Variants in SEMA5A observed in about 807,000 individuals in gnomAD.
The protein encoded by SEMA5A is semaphorin 5A, also known as semaphorin-5A.
Under a neutral mutation model 135.5 loss-of-function variants are expected in SEMA5A, and 55 were observed. The ratio of observed to expected loss-of-function variants is 0.41; its 90% confidence interval spans 0.33 to 0.51. SEMA5A has a LOEUF of 0.51. Ranked by LOEUF, SEMA5A falls within the 20% of genes least tolerant of loss-of-function variation. The pLI, the probability that SEMA5A is intolerant of heterozygous loss-of-function variation, is 0.37. For missense variants in SEMA5A, 1,290 were observed against 1,419.9 expected (o/e 0.91, Z 1.47); for synonymous variants, 580 against 546.5 (o/e 1.06, Z -0.85).
At chr5:9,344,652 T>A (rs1479435066) in intron 3 of SEMA5A, among the ~76,000 whole-genome samples, 1 of 151,106 alleles carries the variant, frequency 6.6e-6, no homozygotes, top group African/African-American at 2.5e-5. Flanking sequence ...ATTGGAGAAT[T>A]TATCTCCCTC....
At chr5:9,176,725 G>T (rs1218445196) in intron 11 of SEMA5A, among the ~76,000 whole-genome samples, 2 of 152,162 alleles carry the variant, frequency 1.3e-5, no homozygotes, top group African/African-American at 4.8e-5. Context: ...TCCCAAAGCT[G>T]ATGGTGTCAG....
At chr5:9,267,742 C>T (rs892356828) in intron 5 of SEMA5A, among the ~76,000 whole-genome samples, 1 of 152,030 alleles carries the variant, frequency 6.6e-6, no homozygotes, top group African/African-American at 2.4e-5. Context: ...CATCTGAGAT[C>T]GACTTCAGAA....
chr5:9,315,229 T>C (rs1283026532), intron 5 of SEMA5A, among the ~76,000 whole-genome samples: 1 of 152,192 alleles, frequency 6.6e-6, no homozygotes, highest in Non-Finnish European at 1.5e-5. Context: ...TTTGCTTTAT[T>C]ATATTTGCCT....
intron 12 of SEMA5A, among the ~76,000 whole-genome samples, chr5:9,153,268 G>A (rs185358018): frequency 8.3e-4 from 127 of 152,236 alleles, no homozygotes; most frequent in African/African-American, 2.7e-3. Context: ...TAAACAAGAT[G>A]CCTAAGAACA....
intron 5 of SEMA5A, among the ~76,000 whole-genome samples, chr5:9,306,748 A>G (rs1330649104): frequency 6.6e-6 from 1 of 152,168 alleles, no homozygotes; most frequent in Non-Finnish European, 1.5e-5. Context: ...AGAGCTGGGT[A>G]GGGTGTCTCT....
intron 11 of SEMA5A, among the ~76,000 whole-genome samples, chr5:9,173,949 C>A (rs913216894): frequency 6.6e-6 from 1 of 152,078 alleles, no homozygotes; most frequent in Non-Finnish European, 1.5e-5. Flanking sequence ...TCTGTTTAAA[C>A]CCCAGAAAAT....
intron 5 of SEMA5A, among the ~76,000 whole-genome samples, chr5:9,251,001 G>A (rs1228683192): frequency 1.3e-5 from 2 of 152,168 alleles, no homozygotes; most frequent in Non-Finnish European, 2.9e-5. Flanking sequence ...AGTATTAAGA[G>A]GTAAGACCTT....
intron 18 of SEMA5A, among the ~76,000 whole-genome samples, chr5:9,058,460 G>C (rs552594561): frequency 6.6e-6 from 1 of 152,286 alleles, no homozygotes; most frequent in East Asian, 1.9e-4. Context: ...TTCATGGGAA[G>C]ATCAGACAAA....
intron 19 of SEMA5A, 121 bp from the exon 20 acceptor site, chr5:9,052,149 G>T (rs1415593150): frequency 2.8e-6 from 3 of 1,072,428 alleles, no homozygotes; most frequent in African/African-American, 1.6e-5. Flanking sequence ...TATTTTTAAT[G>T]GTTCTGTGCA....
intron 15 of SEMA5A, among the ~76,000 whole-genome samples, chr5:9,110,174 T>C (rs1293030162): frequency 2.6e-5 from 4 of 152,156 alleles, no homozygotes; most frequent in Non-Finnish European, 5.9e-5. Context: ...GGATGATCTA[T>C]CTTTACCAAA....
chr5:9,221,091 C>T (rs1424551198), intron 8 of SEMA5A, among the ~76,000 whole-genome samples: 5 of 152,064 alleles, frequency 3.3e-5, no homozygotes, highest in African/African-American at 7.2e-5. Context: ...AGCCTCCTTC[C>T]GCAACAAGTC....
At chr5:9,080,967 C>T (rs909132210) in intron 16 of SEMA5A, among the ~76,000 whole-genome samples, 2 of 152,082 alleles carry the variant, frequency 1.3e-5, no homozygotes, top group African/African-American at 2.4e-5. Flanking sequence ...GGATAGTCAC[C>T]CTCTTAATCA....
intron 1 of SEMA5A, among the ~76,000 whole-genome samples, chr5:9,486,245 G>A (rs1447118676): frequency 2.0e-5 from 3 of 152,086 alleles, no homozygotes; most frequent in African/African-American, 7.2e-5. Context: ...ACAGGGAGGG[G>A]GAACAACACA....
At chr5:9,186,438 G>A (rs994131337) in intron 11 of SEMA5A, among the ~76,000 whole-genome samples, 2 of 152,174 alleles carry the variant, frequency 1.3e-5, no homozygotes, top group African/African-American at 2.4e-5. Flanking sequence ...ATGTGTTCAT[G>A]TAAAATCAAA....
chr5:9,221,061 C>T (rs537376945), intron 8 of SEMA5A, among the ~76,000 whole-genome samples: 4 of 152,230 alleles, frequency 2.6e-5, no homozygotes, highest in South Asian at 2.1e-4. Flanking sequence ...GGAAGACCTA[C>T]GCCTTCACCA....
intron 2 of SEMA5A, among the ~76,000 whole-genome samples, chr5:9,425,880 A>G (rs1335795890): frequency 1.3e-5 from 2 of 152,206 alleles, no homozygotes; most frequent in Admixed American, 1.3e-4. Context: ...GAAGTTATAT[A>G]TTATCCACTG....
intron 1 of SEMA5A, among the ~76,000 whole-genome samples, chr5:9,543,142 T>G (rs1449985805): frequency 6.6e-6 from 1 of 152,230 alleles, no homozygotes; most frequent in Non-Finnish European, 1.5e-5. Flanking sequence ...TCTGTTATTT[T>G]GGGCCACTAG....
intron 3 of SEMA5A, among the ~76,000 whole-genome samples, chr5:9,358,089 A>T (rs1296937871): frequency 1.3e-5 from 2 of 152,066 alleles, no homozygotes; most frequent in African/African-American, 2.4e-5. Context: ...TCCAGCTTCT[A>T]TAACACACTT....
At chr5:9,193,358 G>A (rs1745217252) in intron 10 of SEMA5A, among the ~76,000 whole-genome samples, 1 of 152,174 alleles carries the variant, frequency 6.6e-6, no homozygotes, top group Non-Finnish European at 1.5e-5. Context: ...GCTCTCATGT[G>A]CCCTACAATC....
Sources: gnomAD v4.1 joint callset for allele counts (sites outside exome capture counted in the v4.1 genomes callset) on GRCh38, gnomAD v4.1.1 for gene constraint, MANE v1.5 for transcripts, NCBI Gene and HGNC (gene_info 2026-07-23, HGNC 2026-07-21) for gene names.